The following PAN3 variants were observed in gnomAD, a reference collection of about 807,000 sequenced individuals.
PAN3 encodes the protein poly(A) specific ribonuclease subunit PAN3.
Under a neutral mutation model 96.2 loss-of-function variants are expected in PAN3, and 19 were observed. The ratio of observed to expected loss-of-function variants is 0.20; its 90% CI spans 0.14 to 0.29. PAN3 has a LOEUF of 0.29. PAN3 is among the 10% of genes least tolerant of loss of function. PAN3 has a pLI of 1.00. For missense variants in PAN3, 882 were observed against 1,108.1 expected (o/e 0.80, Z 2.90); for synonymous variants, 433 against 406.6 (o/e 1.06, Z -0.78).
chr13:28,177,057 G>A (rs1168609315), intron 3 of PAN3, among the ~76,000 whole-genome samples: 2 of 151,984 alleles, frequency 1.3e-5, no homozygotes, highest in Non-Finnish European at 1.5e-5. Flanking sequence ...GTTCCTTTAC[G>A]TAAGGGCATT....
At chr13:28,155,347 C>T (rs939501162) in intron 1 of PAN3, among the ~76,000 whole-genome samples, 49 of 152,030 alleles carry the variant, frequency 3.2e-4, no homozygotes, top group Admixed American at 1.9e-3. Context: ...CCCAGCACTT[C>T]GGGAGGCCGA....
intron 5 of PAN3, among the ~76,000 whole-genome samples, chr13:28,218,268 C>T (rs1881027979): frequency 6.6e-6 from 1 of 151,924 alleles, no homozygotes; most frequent in East Asian, 1.9e-4. Context: ...GATCTGGCTA[C>T]AATTAATTTA....
intron 1 of PAN3, among the ~76,000 whole-genome samples, chr13:28,163,619 TC>T (rs1252411482): frequency 3.3e-5 from 5 of 152,210 alleles, no homozygotes; most frequent in African/African-American, 9.7e-5. Context: ...AATGTGTAAC[TC>T]CAAGTATTTT....
intron 9 of PAN3, among the ~76,000 whole-genome samples, chr13:28,266,508 T>C (rs1886192353): frequency 6.6e-6 from 1 of 152,234 alleles, no homozygotes; most frequent in South Asian, 2.1e-4. Context: ...AGTTATTCTT[T>C]GGTTATTTTA....
chr13:28,153,410 A>G (rs7492132), intron 1 of PAN3, among the ~76,000 whole-genome samples: 3 of 150,904 alleles, frequency 2.0e-5, no homozygotes, highest in Non-Finnish European at 4.4e-5. Flanking sequence ...TAATTTTTGT[A>G]TTTTTTTTAG....
intron 13 of PAN3, 87 bp from the exon 14 acceptor site, chr13:28,271,894 A>G: frequency 4.7e-6 from 4 of 859,196 alleles, no homozygotes; most frequent in East Asian, 3.0e-5. Flanking sequence ...CCTTCCTAAT[A>G]TTTTGGGAAA....
At chr13:28,256,633 G>A (rs1885166597) in intron 7 of PAN3, 94 bp downstream of exon 7, 1 of 1,319,800 alleles carries the variant, frequency 7.6e-7, no homozygotes, top group Non-Finnish European at 1.0e-6. Context: ...GCTTTTTATT[G>A]TGATGCAAAA....
chr13:28,210,632 T>C (rs1879918742), intron 5 of PAN3, among the ~76,000 whole-genome samples: 1 of 152,172 alleles, frequency 6.6e-6, no homozygotes, highest in African/African-American at 2.4e-5. Flanking sequence ...CTTTGCAGGT[T>C]TTAAATAGGT....
chr13:28,245,855 TCC>T (rs1884134510), intron 6 of PAN3, among the ~76,000 whole-genome samples: 1 of 152,180 alleles, frequency 6.6e-6, no homozygotes, highest in Non-Finnish European at 1.5e-5. Context: ...AGTATTTCCT[TCC>T]TTTTATGGGT....
intron 5 of PAN3, among the ~76,000 whole-genome samples, chr13:28,210,700 A>G (rs1362811202): frequency 2.0e-5 from 3 of 152,094 alleles, no homozygotes; most frequent in Non-Finnish European, 2.9e-5. Context: ...TAAATTGGCC[A>G]TATTTGTATG....
rs933045370 is a variant in PAN3 at position 28,227,302 on chromosome 13, T to G, written c.1000+6924T>G. On this transcript the variant is annotated intron_variant, in intron 6 of 18. Transcript: ENST00000380958. Reference sequence around the variant, plus strand: ...ATTCTACTGGTTGTGGAATCCCTGGTTAATGGGTCCTCATAGGTATAAGAG... The same window carrying G: ...ATTCTACTGGTTGTGGAATCCCTGGGTAATGGGTCCTCATAGGTATAAGAG... Among the ~76,000 whole-genome samples the G allele has an allele frequency of 2.0e-5, 3 of 152,256 alleles. No individual in the cohort carries two copies. In the East Asian group the frequency reaches 5.8e-4, roughly 29 times the overall value.
intron 6 of PAN3, among the ~76,000 whole-genome samples, chr13:28,238,648 T>C (rs1593536822): frequency 1.3e-5 from 2 of 152,336 alleles, no homozygotes; most frequent in South Asian, 2.1e-4. Context: ...TGAAAAGTTG[T>C]ATTGGCCACC....
At chr13:28,221,131 T>C (rs968638756) in intron 6 of PAN3, among the ~76,000 whole-genome samples, 2 of 152,144 alleles carry the variant, frequency 1.3e-5, no homozygotes, top group Non-Finnish European at 2.9e-5. Flanking sequence ...ATAATGTTTA[T>C]TTTAGTATAA....
chr13:28,258,780 T>G (rs1885430113), intron 7 of PAN3, among the ~76,000 whole-genome samples: 1 of 152,176 alleles, frequency 6.6e-6, no homozygotes, highest in African/African-American at 2.4e-5. Context: ...GATAGCAAAA[T>G]TCCTGGGTGC....
intron 4 of PAN3, among the ~76,000 whole-genome samples, chr13:28,184,050 T>C (rs1446349076): frequency 6.6e-6 from 1 of 152,176 alleles, no homozygotes; most frequent in Admixed American, 6.5e-5. Context: ...GTCTACCTTT[T>C]CTTTGAGATG....
rs577814601 is a variant in PAN3, at chr13:28,138,749, C to T, written c.92C>T (p.Pro31Leu). The part of the protein sequence containing the change: ...LAAAVAVVAP[P>L]GVGGVPGGAA... ...GCGGCGGTGGCGGTGGTGGCCCCGC[C>T]GGGGGTCGGGGGTGTCCCCGGCGGG... The change falls in exon 1 of 19, where the codon CCG (proline) becomes CTG (leucine). Residue 31 changes from proline (P) to leucine (L), a missense_variant. By Grantham distance (98) the Pro-to-Leu change is moderately conservative. Coordinates refer to ENST00000380958, the MANE Select transcript of PAN3 (RefSeq NM_175854.8). 2.3e-5 allele frequency: 30 copies of T among 1,321,318 alleles called. No individual in the cohort carries two copies. The African/African-American group carries it at 4.4e-4, about 19-fold the overall frequency. 81.8% of individuals were successfully genotyped at this position (1,321,318 alleles called of 1,614,324 possible).
intron 1 of PAN3, among the ~76,000 whole-genome samples, chr13:28,152,716 A>T (rs187788570): frequency 6.6e-6 from 1 of 152,236 alleles, no homozygotes; most frequent in Non-Finnish European, 1.5e-5. Flanking sequence ...GGAGCTGAAG[A>T]TAAATGTCCC....
chr13:28,164,711 C>A (rs1031928841), intron 1 of PAN3, among the ~76,000 whole-genome samples: 2 of 152,172 alleles, frequency 1.3e-5, no homozygotes, highest in African/African-American at 4.8e-5. Flanking sequence ...CCAGAATTTT[C>A]CAAGTTTCTT....
chr13:28,178,050 T>C, intron 4 of PAN3, 115 bp downstream of exon 4: 8 of 868,492 alleles, frequency 9.2e-6, no homozygotes, highest in South Asian at 1.6e-5. Context: ...TTATGGGCTT[T>C]AGTGTTTTTC....
Sources: gnomAD v4.1 joint callset for allele counts (sites outside exome capture counted in the v4.1 genomes callset) on GRCh38, gnomAD v4.1.1 for gene constraint, MANE v1.5 for transcripts, NCBI Gene and HGNC (gene_info 2026-07-23, HGNC 2026-07-21) for gene names.